UNC5B: variants seen among roughly 807,000 people sequenced by gnomAD.
The protein encoded by UNC5B is unc-5 netrin receptor B, also known as netrin receptor UNC5B.
In UNC5B, 56 loss-of-function variants were observed where a neutral mutation model predicts 103.7. That is an observed-to-expected ratio of 0.54 (90% CI 0.44 to 0.67). UNC5B has a LOEUF of 0.67. Among genes scored for constraint, UNC5B ranks in the 30% least tolerant of loss-of-function variants. The pLI, the probability that UNC5B is intolerant of heterozygous loss-of-function variation, is 0.00. For missense variants in UNC5B, 1,194 were observed against 1,284.5 expected (o/e 0.93, Z 1.08); for synonymous variants, 577 against 542.0 (o/e 1.06, Z -0.90).
chr10:71,214,968 G>A (rs1461851986), intron 1 of UNC5B, among the ~76,000 whole-genome samples: 1 of 152,140 alleles, frequency 6.6e-6, no homozygotes, highest in African/African-American at 2.4e-5. Flanking sequence ...TACTTAGTGC[G>A]GCAGTAGCTG....
intron 1 of UNC5B, among the ~76,000 whole-genome samples, chr10:71,247,832 G>A (rs1844073299): frequency 6.6e-6 from 1 of 152,150 alleles, no homozygotes; most frequent in Admixed American, 6.5e-5. Context: ...CTGGGATGTA[G>A]GACCCAAGTG....
chr10:71,218,071 T>A (rs1457619155), intron 1 of UNC5B: 1 of 143,056 alleles, frequency 7.0e-6, no homozygotes, highest in African/African-American at 2.6e-5. Context: ...TATTAAGGAG[T>A]GTGTGGGGGG....
intron 1 of UNC5B, among the ~76,000 whole-genome samples, chr10:71,240,176 C>T (rs1351831706): frequency 1.3e-5 from 2 of 152,226 alleles, no homozygotes; most frequent in African/African-American, 4.8e-5. Flanking sequence ...GTGTGCCAAC[C>T]TGTGCCCCCT....
At chr10:71,234,152 G>A (rs1003384861) in intron 1 of UNC5B, among the ~76,000 whole-genome samples, 11 of 152,190 alleles carry the variant, frequency 7.2e-5, no homozygotes, top group African/African-American at 2.2e-4. Context: ...AATTAACCTC[G>A]GGGGTGGGGG....
chr10:71,227,154 T>G (rs10450304), intron 1 of UNC5B, among the ~76,000 whole-genome samples: 28,606 of 151,942 alleles, frequency 0.19, 3,597 homozygotes, highest in African/African-American at 0.37. Context: ...CCAGCTAATT[T>G]TTGTATTTTT....
intron 1 of UNC5B, among the ~76,000 whole-genome samples, chr10:71,261,014 A>G (rs547844732): frequency 1.3e-5 from 2 of 152,310 alleles, no homozygotes; most frequent in Non-Finnish European, 2.9e-5. Flanking sequence ...CTGGTTCACT[A>G]TTAGGGGCCA....
chr10:71,250,657 G>A (rs1844152220), intron 1 of UNC5B, among the ~76,000 whole-genome samples: 2 of 152,188 alleles, frequency 1.3e-5, no homozygotes, highest in Admixed American at 1.3e-4. Flanking sequence ...GGTGTGGGAT[G>A]GGGAGGTGGT....
At chr10:71,246,318 ATCCGAGAGGT>A (rs1171690691) in intron 1 of UNC5B, among the ~76,000 whole-genome samples, 2 of 152,082 alleles carry the variant, frequency 1.3e-5, no homozygotes, top group Admixed American at 1.3e-4. Context: ...AGGGGAGAGG[ATCCGAGAGGT>A]TCCTTCCAGA....
At chr10:71,261,237 G>A (rs997038808) in intron 1 of UNC5B, among the ~76,000 whole-genome samples, 4 of 152,344 alleles carry the variant, frequency 2.6e-5, no homozygotes, top group African/African-American at 9.6e-5. Context: ...GGATTAATGA[G>A]ATGGGGAGGG....
At chr10:71,219,289 A>G (rs1358658689) in intron 1 of UNC5B, among the ~76,000 whole-genome samples, 1 of 152,100 alleles carries the variant, frequency 6.6e-6, no homozygotes, top group Non-Finnish European at 1.5e-5. Flanking sequence ...TAATATATAT[A>G]TAAAGGAGAG....
At chr10:71,250,212 G>A (rs747647655) in intron 1 of UNC5B, among the ~76,000 whole-genome samples, 10 of 152,222 alleles carry the variant, frequency 6.6e-5, no homozygotes, top group Non-Finnish European at 1.2e-4. Flanking sequence ...GGGCAGTGCC[G>A]GTGGGGGAGA....
chr10:71,218,349 T>C (rs531093773), intron 1 of UNC5B: 16 of 152,374 alleles, frequency 1.1e-4, no homozygotes, highest in African/African-American at 3.9e-4. Flanking sequence ...TAGGTATGTG[T>C]AATGTGGAGA....
chr10:71,219,329 A>G (rs1843404842), intron 1 of UNC5B, among the ~76,000 whole-genome samples: 1 of 152,142 alleles, frequency 6.6e-6, no homozygotes, highest in African/African-American at 2.4e-5. Flanking sequence ...CACGATCACA[A>G]GGTCCCACAA....
intron 1 of UNC5B, among the ~76,000 whole-genome samples, chr10:71,266,216 G>A (rs1302067773): frequency 3.9e-5 from 6 of 152,116 alleles, no homozygotes; most frequent in African/African-American, 1.4e-4. Context: ...CAGAGGCAGG[G>A]GGTGGTTCCC....
At chr10:71,298,146 A>AGGGGCAGGC (rs1473641576) in intron 16 of UNC5B, 56 bp downstream of exon 16, 1 of 1,525,740 alleles carries the variant, frequency 6.6e-7, no homozygotes, top group Non-Finnish European at 8.8e-7. Context: ...AAGGTCTCAC[A>AGGGGCAGGC]GGGGCAGGCA....
At chr10:71,231,213 G>T (rs1291509604) in intron 1 of UNC5B, among the ~76,000 whole-genome samples, 2 of 152,186 alleles carry the variant, frequency 1.3e-5, no homozygotes, top group African/African-American at 4.8e-5. Flanking sequence ...ACACCCACTG[G>T]CCTCTTCCAA....
rs369868803 is a variant in UNC5B, at chr10:71,279,867, G to A, written c.126G>A (p.Ala42=). The A allele has an allele frequency of 7.9e-5, 128 of 1,613,756 alleles. No homozygotes were observed. Among genetic ancestry groups the A allele is most frequent in the Non-Finnish European group, 1.0e-4 (121 of 1,179,946 alleles). Residue 42 remains alanine, a synonymous_variant, in exon 2 of 17, where the codon GCG becomes GCA. Coordinates refer to ENST00000335350, the MANE Select transcript of UNC5B (RefSeq NM_170744.5). Reference sequence around the variant, plus strand: ...TGCTCCCTGACTCCTTCCCGTCAGCGCCAGCAGAGCCGCTGCCCTACTTCC... The same window carrying A: ...TGCTCCCTGACTCCTTCCCGTCAGCACCAGCAGAGCCGCTGCCCTACTTCC... The part of the protein sequence containing the change: ...SEVLPDSFPS[A]PAEPLPYFLQ...
intron 1 of UNC5B, among the ~76,000 whole-genome samples, chr10:71,247,347 T>C (rs755003508): frequency 5.9e-5 from 9 of 152,160 alleles, no homozygotes; most frequent in Non-Finnish European, 1.2e-4. Context: ...TGGCACTGGG[T>C]GTACAGAGAG....
intron 1 of UNC5B, among the ~76,000 whole-genome samples, chr10:71,265,822 C>T (rs886756039): frequency 6.6e-6 from 1 of 152,154 alleles, no homozygotes; most frequent in African/African-American, 2.4e-5. Context: ...TGGTGAGGCA[C>T]CACCCCACCC....
Sources: allele counts gnomAD v4.1 joint callset (sites outside exome capture counted in the v4.1 genomes callset), GRCh38; gene constraint gnomAD v4.1.1; transcripts MANE v1.5; gene names NCBI Gene and HGNC (gene_info 2026-07-23, HGNC 2026-07-21).